GNAQ: variants seen among roughly 807,000 people sequenced by gnomAD.
The protein encoded by GNAQ is G protein subunit alpha q.
A neutral mutation model predicts 43.9 loss-of-function variants in GNAQ; 8 were observed. The ratio of observed to expected loss-of-function variants is 0.18; its 90% CI spans 0.11 to 0.33. GNAQ has a LOEUF of 0.33. GNAQ is among the 10% of genes least tolerant of loss of function. The probability of loss-of-function intolerance (pLI) is 1.00; values close to 1 mark genes in which losing one functional copy is unlikely to be tolerated. For synonymous variants in GNAQ, 155 were observed against 170.7 expected, an observed-to-expected ratio of 0.91 and a Z score of 0.71; for missense variants, 158 against 450.8, an observed-to-expected ratio of 0.35 and a Z score of 5.88.
intron 1 of GNAQ, among the ~76,000 whole-genome samples, chr9:77,977,290 CACA>C (rs768018086): frequency 6.6e-5 from 10 of 152,238 alleles, no homozygotes; most frequent in African/African-American, 1.9e-4. Context: ...CTACTGTCTC[CACA>C]ACAACACAGA....
intron 1 of GNAQ, among the ~76,000 whole-genome samples, chr9:77,967,157 G>C (rs4097403): frequency 6.6e-6 from 1 of 152,166 alleles, no homozygotes; most frequent in Non-Finnish European, 1.5e-5. Flanking sequence ...ATGCATCTCA[G>C]GAAAAGGGTA....
intron 5 of GNAQ, among the ~76,000 whole-genome samples, chr9:77,772,179 A>G (rs1468150226): frequency 1.3e-5 from 2 of 152,232 alleles, no homozygotes; most frequent in Non-Finnish European, 2.9e-5. Flanking sequence ...ACATGTAAAT[A>G]TAATGGAAAC....
At chr9:77,992,817 C>T (rs1403604816) in intron 1 of GNAQ, among the ~76,000 whole-genome samples, 4 of 151,930 alleles carry the variant, frequency 2.6e-5, no homozygotes, top group African/African-American at 4.8e-5. Context: ...TGGTGGTACA[C>T]GCCTGTAATC....
chr9:77,982,908 T>A (rs1305823549), intron 1 of GNAQ, among the ~76,000 whole-genome samples: 1 of 152,018 alleles, frequency 6.6e-6, no homozygotes, highest in African/African-American at 2.4e-5. Flanking sequence ...GTAACAAAAA[T>A]GCACGTTGTG....
At chr9:78,012,727 T>C (rs1433124874) in intron 1 of GNAQ, among the ~76,000 whole-genome samples, 1 of 152,106 alleles carries the variant, frequency 6.6e-6, no homozygotes, top group Non-Finnish European at 1.5e-5. Flanking sequence ...TATATATACA[T>C]ATATGTACAC....
intron 2 of GNAQ, among the ~76,000 whole-genome samples, chr9:77,843,391 G>A (rs1827523202): frequency 6.6e-6 from 1 of 152,180 alleles, no homozygotes; most frequent in African/African-American, 2.4e-5. Context: ...AGCCCTTATA[G>A]AGCTGGCCTG....
chr9:77,947,298 C>T (rs1443400735), intron 1 of GNAQ, among the ~76,000 whole-genome samples: 2 of 152,208 alleles, frequency 1.3e-5, no homozygotes, highest in African/African-American at 4.8e-5. Context: ...AGCAGTGAGC[C>T]CTGGGCTGGA....
chr9:77,844,125 G>C (rs918182871), intron 2 of GNAQ, among the ~76,000 whole-genome samples: 1 of 152,158 alleles, frequency 6.6e-6, no homozygotes, highest in Non-Finnish European at 1.5e-5. Context: ...ATTTGAAACA[G>C]AACACTAATC....
intron 2 of GNAQ, among the ~76,000 whole-genome samples, chr9:77,890,301 T>C (rs1418588829): frequency 6.6e-6 from 1 of 152,228 alleles, no homozygotes; most frequent in Non-Finnish European, 1.5e-5. Context: ...TAATAATTTA[T>C]CGAAGCCATC....
intron 2 of GNAQ, among the ~76,000 whole-genome samples, chr9:77,847,841 T>A (rs1447768708): frequency 6.6e-6 from 1 of 152,182 alleles, no homozygotes; most frequent in Non-Finnish European, 1.5e-5. Context: ...GTGCCTTGGT[T>A]AGTCACTAAG....
At chr9:77,970,840 A>G (rs1287245006) in intron 1 of GNAQ, among the ~76,000 whole-genome samples, 1 of 152,166 alleles carries the variant, frequency 6.6e-6, no homozygotes, top group Non-Finnish European at 1.5e-5. Context: ...AAAAAAATCA[A>G]TGAATCCAGG....
At position 77,989,146 on chromosome 9, in the gene GNAQ, T is replaced by A. The variant is rs560492147; in HGVS notation, c.136+41954A>T. ...CTTTACAGAAATGAAGTATGTTTTT[T>A]AAAAATCTTGAAAACCAAATGTTTT... On this transcript the variant is annotated intron_variant, in intron 1 of 6. Coordinates refer to ENST00000286548, the MANE Select transcript of GNAQ (RefSeq NM_002072.5). 2.6e-5 allele frequency among the ~76,000 whole-genome samples: 4 copies of A among 152,330 alleles called. No individual in the cohort carries two copies. In the South Asian group the frequency reaches 8.3e-4, roughly 32 times the overall value.
At chr9:77,955,459 G>C (rs1170073550) in intron 1 of GNAQ, among the ~76,000 whole-genome samples, 2 of 152,124 alleles carry the variant, frequency 1.3e-5, no homozygotes, top group East Asian at 3.9e-4. Flanking sequence ...TTACTCCTTA[G>C]TGAAATCATG....
intron 1 of GNAQ, among the ~76,000 whole-genome samples, chr9:77,944,861 G>C (rs1013639529): frequency 2.0e-5 from 3 of 152,100 alleles, no homozygotes; most frequent in African/African-American, 7.2e-5. Context: ...AATACTTTAC[G>C]AAACAGCTAG....
rs12006292 is a variant in GNAQ at position 77,853,270 on chromosome 9, T to A, written c.322-37500A>T. Among the ~76,000 whole-genome samples, 1,089 of 152,262 alleles carry A rather than the reference T, an allele frequency of 7.2e-3. 16 individuals carry two copies. Among genetic ancestry groups the A allele is most frequent in the African/African-American group, 0.024 (1,016 of 41,550 alleles). On this transcript the variant is annotated intron_variant, in intron 2 of 6. Coordinates refer to ENST00000286548, the MANE Select transcript of GNAQ (RefSeq NM_002072.5). Reference sequence around the variant, plus strand: ...ATGCTACTATGTGGCTCTTTGGGCATATTTTTAACTTCTTAGTTCCTCATC... The same window carrying A: ...ATGCTACTATGTGGCTCTTTGGGCAAATTTTTAACTTCTTAGTTCCTCATC...
intron 2 of GNAQ, among the ~76,000 whole-genome samples, chr9:77,874,115 A>T (rs1045993796): frequency 7.2e-6 from 1 of 139,818 alleles, no homozygotes; most frequent in Non-Finnish European, 1.5e-5. Context: ...AAAAAAAAAA[A>T]ACAAAAAAAC....
intron 5 of GNAQ, 64 bp from the exon 6 acceptor site, chr9:77,728,731 T>C (rs1319414673): frequency 9.5e-6 from 11 of 1,158,404 alleles, no homozygotes; most frequent in African/African-American, 7.7e-5. Context: ...AATTTGTGAA[T>C]TGTGTTTATT....
At chr9:77,926,548 C>G (rs1484103332) in intron 1 of GNAQ, among the ~76,000 whole-genome samples, 1 of 152,150 alleles carries the variant, frequency 6.6e-6, no homozygotes. Flanking sequence ...TCCAAGACCA[C>G]TGGTACTATA....
intron 1 of GNAQ, among the ~76,000 whole-genome samples, chr9:77,938,287 T>C (rs1434635617): frequency 1.3e-5 from 2 of 152,210 alleles, no homozygotes; most frequent in Non-Finnish European, 2.9e-5. Flanking sequence ...AGATCAACTA[T>C]ATATATTTAT....
Sources: gnomAD v4.1 joint callset for allele counts (sites outside exome capture counted in the v4.1 genomes callset) on GRCh38, gnomAD v4.1.1 for gene constraint, MANE v1.5 for transcripts, NCBI Gene and HGNC (gene_info 2026-07-23, HGNC 2026-07-21) for gene names.